Variants in FAM81A observed in about 807,000 individuals in gnomAD.
FAM81A encodes the protein family with sequence similarity 81 member A.
In FAM81A, 19 loss-of-function variants were observed where a neutral mutation model predicts 46.7. The observed-to-expected ratio is 0.41, with a 90% CI of 0.28 to 0.60. FAM81A has a LOEUF of 0.60. FAM81A is among the 20% of genes least tolerant of loss of function. The pLI, the probability that FAM81A is intolerant of heterozygous loss-of-function variation, is 0.34. For missense variants in FAM81A, 377 were observed against 453.5 expected, an observed-to-expected ratio of 0.83 and a Z score of 1.53; for synonymous variants, 183 against 152.9, an observed-to-expected ratio of 1.20 and a Z score of -1.45.
rs201182251 is a variant in FAM81A, at chr15:59,519,560, T to TTTCCC, written c.983-1674_983-1670dup. Among the ~76,000 whole-genome samples the TTTCCC allele has an allele frequency of 7.2e-4, 107 of 149,354 alleles. No homozygotes were observed. In the East Asian group the frequency reaches 0.019, roughly 27 times the overall value. On this transcript the variant is annotated intron_variant, in intron 8 of 8. Transcript: ENST00000288228. ...TTCTTTTCTTTCTTCCTTTCTTTCC[T>TTTCCC]TTCCCTTCCCTTCCCTTCCCTTCCT...
chr15:59,499,654 GA>G (rs2082070434), intron 4 of FAM81A, among the ~76,000 whole-genome samples: 1 of 151,850 alleles, frequency 6.6e-6, no homozygotes, highest in Non-Finnish European at 1.5e-5. Context: ...TTATTTTTTT[GA>G]AAAGTAGTAA....
Position 59,521,425 on chromosome 15 carries a change from A to G in FAM81A, c.*47A>G. 6.4e-7 allele frequency: 1 copy of G among 1,552,318 alleles called. No individual in the cohort carries two copies. The highest frequency in any genetic ancestry group is 8.7e-7 in the Non-Finnish European group (1 of 1,147,342). On this transcript the variant is annotated 3_prime_UTR_variant, in exon 9 of 9. Transcript: ENST00000288228. ...AAAAGACAGTTTTGCCAGTGGGGCT[A>G]GGAGCCGGATACCTCTGTAGCCAGG...
At chr15:59,464,124 C>T (rs760283006) in intron 3 of FAM81A, among the ~76,000 whole-genome samples, 13 of 152,092 alleles carry the variant, frequency 8.5e-5, no homozygotes, top group African/African-American at 2.2e-4. Context: ...CTGTTCTATC[C>T]GTGTTGTTGC....
At chr15:59,498,787 C>T (rs554841801) in intron 4 of FAM81A, among the ~76,000 whole-genome samples, 7 of 152,014 alleles carry the variant, frequency 4.6e-5, no homozygotes, top group African/African-American at 1.4e-4. Flanking sequence ...CCCGAGTAGC[C>T]GGGATTACAG....
chr15:59,457,149 T>A (rs1219462959), intron 1 of FAM81A, among the ~76,000 whole-genome samples: 2 of 152,180 alleles, frequency 1.3e-5, no homozygotes, highest in Non-Finnish European at 2.9e-5. Context: ...TTATCCAAGG[T>A]CAACCATGGT....
chr15:59,417,692 G>A (rs143175582), intron 2 of FAM81A, among the ~76,000 whole-genome samples: 7,597 of 152,234 alleles, frequency 0.05, 271 homozygotes, highest in Non-Finnish European at 0.075. Flanking sequence ...TCCAGCCTGG[G>A]CAACAGAGTG....
chr15:59,439,361 G>T (rs1279868003), intron 1 of FAM81A, among the ~76,000 whole-genome samples: 3 of 151,596 alleles, frequency 2.0e-5, no homozygotes, highest in Non-Finnish European at 4.4e-5. Flanking sequence ...TCTGCCTTCT[G>T]GGCCCTGTCA....
At chr15:59,475,453 GTTTC>G (rs2081754677) in intron 3 of FAM81A, among the ~76,000 whole-genome samples, 1 of 152,062 alleles carries the variant, frequency 6.6e-6, no homozygotes, top group South Asian at 2.1e-4. Context: ...GCCTAAACAT[GTTTC>G]TTTAAGATGA....
chr15:59,438,152 G>T (rs2081256663), upstream of FAM81A: 2 of 146,174 alleles, frequency 1.4e-5, no homozygotes, highest in Admixed American at 1.4e-4. Context: ...GCAGGCGCGC[G>T]CTGATTGGAC....
At chr15:59,487,683 CA>C (rs1443894569) in intron 3 of FAM81A, among the ~76,000 whole-genome samples, 2 of 152,102 alleles carry the variant, frequency 1.3e-5, no homozygotes, top group Non-Finnish European at 2.9e-5. Context: ...TAGACACATA[CA>C]ACCTACCACA....
intron 2 of FAM81A, among the ~76,000 whole-genome samples, chr15:59,410,165 C>A (rs146644201): frequency 1.3e-5 from 2 of 151,952 alleles, no homozygotes; most frequent in African/African-American, 2.4e-5. Context: ...GGCATGGTGG[C>A]GTGCACCTGT....
At position 59,510,018 on chromosome 15, in the gene FAM81A, A is replaced by G. The variant is rs141810209; in HGVS notation, c.650+1049A>G. ...AATAGAGGAGAAGCAGTATCAAAAG[A>G]GAGAATGGCAGACAAGCATACAGAA... On this transcript the variant is annotated intron_variant, in intron 6 of 8. Transcript: ENST00000288228. 2.0e-5 allele frequency among the ~76,000 whole-genome samples: 3 copies of G among 152,314 alleles called. No individual in the cohort carries two copies. The East Asian group carries it at 5.8e-4, about 29-fold the overall frequency.
At chr15:59,505,769 G>C (rs1011361643) in intron 4 of FAM81A, among the ~76,000 whole-genome samples, 1 of 152,196 alleles carries the variant, frequency 6.6e-6, no homozygotes, top group Non-Finnish European at 1.5e-5. Context: ...GGGAAGTATA[G>C]TTTGGGGCTT....
chr15:59,398,929 G>C (rs1228426075), intron 1 of FAM81A, among the ~76,000 whole-genome samples: 1 of 152,110 alleles, frequency 6.6e-6, no homozygotes, highest in Non-Finnish European at 1.5e-5. Flanking sequence ...CAGCACTTTG[G>C]GAGGCCAAGA....
intron 1 of FAM81A, among the ~76,000 whole-genome samples, chr15:59,441,614 G>T (rs1465279937): frequency 6.6e-6 from 1 of 152,186 alleles, no homozygotes; most frequent in Non-Finnish European, 1.5e-5. Flanking sequence ...CTTCCTCAGA[G>T]GGCTCTGGCA....
chr15:59,450,041 G>C (rs574766227), intron 1 of FAM81A, among the ~76,000 whole-genome samples: 29 of 149,614 alleles, frequency 1.9e-4, no homozygotes, highest in African/African-American at 6.4e-4. Flanking sequence ...TCCCACCTCA[G>C]CCTCCTTGGT....
intron 2 of FAM81A, among the ~76,000 whole-genome samples, chr15:59,417,756 T>A (rs1452532969): frequency 1.3e-5 from 2 of 152,052 alleles, no homozygotes; most frequent in African/African-American, 4.8e-5. Flanking sequence ...AAGATTTTTT[T>A]TGCTTGATTA....
intron 3 of FAM81A, among the ~76,000 whole-genome samples, chr15:59,462,302 C>G (rs562947002): frequency 6.6e-6 from 1 of 151,860 alleles, no homozygotes; most frequent in Non-Finnish European, 1.5e-5. Context: ...TTCTCTACCC[C>G]CTCAGCAATA....
chr15:59,401,816 CTT>C, intron 1 of FAM81A: 1 of 687,440 alleles, frequency 1.5e-6, no homozygotes, highest in South Asian at 1.7e-5. Flanking sequence ...TCTTGATAGT[CTT>C]TTTTATTTGT....
Sources: allele counts gnomAD v4.1 joint callset (sites outside exome capture counted in the v4.1 genomes callset), GRCh38; gene constraint gnomAD v4.1.1; transcripts MANE v1.5; gene names NCBI Gene and HGNC (gene_info 2026-07-23, HGNC 2026-07-21).